Variants in ARHGAP22 observed in about 807,000 individuals in gnomAD.
The protein encoded by ARHGAP22 is Rho GTPase activating protein 22.
A neutral mutation model predicts 59.1 loss-of-function variants in ARHGAP22; 48 were observed. That is an observed-to-expected ratio of 0.81 (90% CI 0.64 to 1.03). The LOEUF is 1.03. Among genes scored for constraint, ARHGAP22 ranks in the 50% least tolerant of loss-of-function variants. The pLI is 0.00. For synonymous variants in ARHGAP22, 445 were observed against 416.4 expected, an observed-to-expected ratio of 1.07 and a Z score of -0.84; for missense variants, 1,015 against 958.7, an observed-to-expected ratio of 1.06 and a Z score of -0.78.
chr10:48,573,051 A>T (rs2058495373), intron 2 of ARHGAP22, among the ~76,000 whole-genome samples: 1 of 152,214 alleles, frequency 6.6e-6, no homozygotes, highest in Admixed American at 6.5e-5. Context: ...CTTAGAACAG[A>T]GCCTGGTTCA....
At chr10:48,645,131 C>T (rs183123384) in intron 1 of ARHGAP22, among the ~76,000 whole-genome samples, 21 of 152,206 alleles carry the variant, frequency 1.4e-4, no homozygotes, top group Non-Finnish European at 2.2e-4. Context: ...AACAACCTTA[C>T]GCCAACAAAG....
At chr10:48,541,192 G>A (rs2055895243) in intron 3 of ARHGAP22, among the ~76,000 whole-genome samples, 1 of 152,086 alleles carries the variant, frequency 6.6e-6, no homozygotes, top group African/African-American at 2.4e-5. Flanking sequence ...GACAGTTGGA[G>A]GAGGCTCTGT....
At chr10:48,521,035 G>A (rs570727077) in intron 3 of ARHGAP22, among the ~76,000 whole-genome samples, 1,661 of 152,174 alleles carry the variant, frequency 0.011, 30 homozygotes, top group African/African-American at 0.038. Flanking sequence ...GATGCACCTG[G>A]AAACATGCCC....
Position 48,604,984 on chromosome 10 carries a change from T to G in ARHGAP22, c.-188A>C, listed in dbSNP as rs2135927869. On this transcript the variant is annotated 5_prime_UTR_variant, in exon 1 of 10. An upstream start codon of the reference 5' UTR is lost. Coordinates refer to ENST00000249601, the MANE Select transcript of ARHGAP22 (RefSeq NM_021226.4). ...GACGGACGGCTCGCCTTGGACTACA[T>G]AAACCTCGATGCATTATTTATCCAT... The G allele has an allele frequency of 6.8e-7, 1 of 1,465,054 alleles. No individual in the cohort carries two copies. The highest frequency in any genetic ancestry group is 2.5e-5 in the East Asian group (1 of 40,276). The allele number at this position is 1,465,054 out of a possible 1,614,324, so 90.8% of individuals were successfully genotyped here. A position where few individuals can be genotyped will look rare whatever the true frequency, so the allele number is the denominator to read the frequency against.
At chr10:48,473,421 CTT>C (rs2048406144) in intron 4 of ARHGAP22, among the ~76,000 whole-genome samples, 3 of 152,166 alleles carry the variant, frequency 2.0e-5, no homozygotes, top group Admixed American at 2.0e-4. Context: ...TGTGAATACA[CTT>C]AATGCCACTG....
At chr10:48,599,797 G>C (rs1455168496) in intron 1 of ARHGAP22, among the ~76,000 whole-genome samples, 1 of 152,198 alleles carries the variant, frequency 6.6e-6, no homozygotes, top group Non-Finnish European at 1.5e-5. Flanking sequence ...AGCACAGAGT[G>C]GGTGGCCTGT....
In ARHGAP22 at chr10:48,610,853, A is replaced by G. The variant is rs541406845; in HGVS notation, c.53-27701T>C. 2.6e-5 allele frequency among the ~76,000 whole-genome samples: 4 copies of G among 152,320 alleles called. No homozygotes were observed. In the East Asian group the frequency reaches 7.7e-4, roughly 29 times the overall value. On this transcript the variant is annotated intron_variant, in intron 1 of 9. Coordinates refer to the ARHGAP22 transcript ENST00000435790. The stretch of plus-strand genomic sequence containing the variant: ...GGGAGTGAAGTTGGCTGTAAAGCTA[A>G]GAGTCACCCTAAAAGAGCTAACAGC...
Position 48,454,941 on chromosome 10 carries a change from A to T in ARHGAP22, c.792+61T>A. 9.3e-6 allele frequency: 14 copies of T among 1,497,614 alleles called. No homozygotes were observed. The Middle Eastern group carries it at 7.2e-4, about 77-fold the overall frequency. 92.8% of individuals were successfully genotyped at this position (1,497,614 alleles called of 1,614,324 possible). A position where few individuals can be genotyped will look rare whatever the true frequency, so the allele number is the denominator to read the frequency against. On this transcript the variant is annotated intron_variant, in intron 6 of 9. Coordinates refer to ENST00000249601, the MANE Select transcript of ARHGAP22 (RefSeq NM_021226.4). ...ATGAAAAGTCAGAGTCTGTGTCCTGAGTCTACAGGCTGCCACCCAGCCAGC... is the reference window on the plus strand; with the variant it reads ...ATGAAAAGTCAGAGTCTGTGTCCTGTGTCTACAGGCTGCCACCCAGCCAGC...
intron 4 of ARHGAP22, among the ~76,000 whole-genome samples, chr10:48,462,035 G>C (rs1187368876): frequency 1.3e-5 from 2 of 152,202 alleles, no homozygotes; most frequent in Non-Finnish European, 2.9e-5. Flanking sequence ...AAACCTGAAA[G>C]GTGAAGACTC....
intron 1 of ARHGAP22, among the ~76,000 whole-genome samples, chr10:48,599,614 C>G (rs1354901173): frequency 2.0e-5 from 3 of 152,196 alleles, no homozygotes; most frequent in Non-Finnish European, 4.4e-5. Context: ...GGGGCCAGGC[C>G]CATCTGAGCC....
At chr10:48,540,039 G>A (rs1018523766) in intron 3 of ARHGAP22, among the ~76,000 whole-genome samples, 1 of 152,214 alleles carries the variant, frequency 6.6e-6, no homozygotes, top group African/African-American at 2.4e-5. Flanking sequence ...CCTCAGATCT[G>A]GGGAGAGGCT....
intron 1 of ARHGAP22, among the ~76,000 whole-genome samples, chr10:48,645,162 A>G (rs972746294): frequency 2.0e-5 from 3 of 152,292 alleles, no homozygotes; most frequent in African/African-American, 7.2e-5. Flanking sequence ...TCATACATAT[A>G]CATGCACGTG....
rs563368798 is a variant in ARHGAP22, at chr10:48,643,966, G to T, written c.52+8268C>A. On this transcript the variant is annotated intron_variant, in intron 1 of 9. Coordinates refer to the ARHGAP22 transcript ENST00000435790. ...AGTTTGAGACCAGCCTAAACGACAT[G>T]GAGAAACTCCATCTCTACTAAAAAT... Among the ~76,000 whole-genome samples the T allele has an allele frequency of 2.0e-5, 3 of 152,058 alleles. No homozygotes were observed. The South Asian group carries it at 6.2e-4, about 32-fold the overall frequency.
In ARHGAP22 at chr10:48,579,802, A is replaced by G. The variant is rs548313370; in HGVS notation, c.234+3151T>C. 4.5e-4 allele frequency among the ~76,000 whole-genome samples: 68 copies of G among 152,280 alleles called. 1 individual carries two copies. In the South Asian group the frequency reaches 7.5e-3, roughly 17 times the overall value. On this transcript the variant is annotated intron_variant, in intron 2 of 9. Transcript: ENST00000249601. ...ACCGCCTGGGCCCCCTGTCACTGAG[A>G]ACAGTGAGCAGGGCATATTTTTCCA... is the stretch of plus-strand genomic sequence containing the variant.
chr10:48,431,737 A>T, the ARHGAP22 span, among the ~76,000 whole-genome samples: 2 of 152,204 alleles, frequency 1.3e-5, 1 homozygote, highest in Non-Finnish European at 2.9e-5. Context: ...TTCTTTCTCT[A>T]AGAAGAAAAC....
intron 1 of ARHGAP22, among the ~76,000 whole-genome samples, chr10:48,610,119 G>A (rs1017032887): frequency 6.6e-5 from 10 of 152,274 alleles, no homozygotes; most frequent in Admixed American, 4.6e-4. Flanking sequence ...CCGCCCTTTG[G>A]CTCCACCATC....
At chr10:48,652,050 T>C (rs1281588000) in intron 1 of ARHGAP22, among the ~76,000 whole-genome samples, 1 of 152,090 alleles carries the variant, frequency 6.6e-6, no homozygotes, top group Non-Finnish European at 1.5e-5. Flanking sequence ...CTGCCATAGT[T>C]CAGGGGTGGG....
intron 5 of ARHGAP22, among the ~76,000 whole-genome samples, chr10:48,455,722 C>T (rs974251642): frequency 1.3e-5 from 2 of 152,250 alleles, no homozygotes; most frequent in Admixed American, 1.3e-4. Context: ...ACCCCCAGCC[C>T]GAGCTTGCCC....
chr10:48,585,010 T>A (rs1004003690), intron 1 of ARHGAP22, among the ~76,000 whole-genome samples: 34 of 101,462 alleles, frequency 3.4e-4, no homozygotes, highest in African/African-American at 1.1e-3. Flanking sequence ...AAAAAAAAAA[T>A]TACATAGCAC....
Sources: gnomAD v4.1 joint callset for allele counts (sites outside exome capture counted in the v4.1 genomes callset) on GRCh38, gnomAD v4.1.1 for gene constraint, MANE v1.5 for transcripts, NCBI Gene and HGNC (gene_info 2026-07-23, HGNC 2026-07-21) for gene names.